The following PRIM2 variants were observed in gnomAD, a reference collection of about 807,000 sequenced individuals.
PRIM2 encodes DNA primase large subunit.
Under a neutral mutation model 67.3 loss-of-function variants are expected in PRIM2, and 39 were observed. The observed-to-expected ratio is 0.58, with a 90% CI of 0.45 to 0.76. The LOEUF (loss-of-function observed/expected upper bound fraction) is 0.76. Among genes scored for constraint, PRIM2 ranks in the 30% least tolerant of loss-of-function variants. The pLI, the probability that PRIM2 is intolerant of heterozygous loss-of-function variation, is 0.00. For synonymous variants in PRIM2, 143 were observed against 198.7 expected, an observed-to-expected ratio of 0.72 and a Z score of 2.36; for missense variants, 398 against 598.7, an observed-to-expected ratio of 0.66 and a Z score of 3.50.
chr6:57,606,572 A>G (rs1473472460), intron 12 of PRIM2, 115 bp downstream of exon 12: 3 of 632,936 alleles, frequency 4.7e-6, no homozygotes, highest in African/African-American at 1.8e-5. Context: ...CTCACACCAG[A>G]CATCTTATCT....
chr6:57,242,812 G>A, the PRIM2 span, among the ~76,000 whole-genome samples: 1 of 152,168 alleles, frequency 6.6e-6, no homozygotes, highest in East Asian at 1.9e-4. Flanking sequence ...ATCTGGATTT[G>A]TATCTGAGGT....
At chr6:57,274,320 G>A in the PRIM2 span, among the ~76,000 whole-genome samples, 15 of 152,038 alleles carry the variant, frequency 9.9e-5, no homozygotes, top group Admixed American at 5.2e-4. Context: ...ATCAAGTCTC[G>A]GCAATGGCGG....
intron 5 of PRIM2, among the ~76,000 whole-genome samples, chr6:57,363,028 T>G (rs2127314607): frequency 6.6e-6 from 1 of 152,340 alleles, no homozygotes; most frequent in African/African-American, 2.4e-5. Flanking sequence ...ATTAAATATT[T>G]ACTGTTTGTA....
chr6:57,416,681 CT>C (rs1581885010), intron 7 of PRIM2, among the ~76,000 whole-genome samples: 1 of 152,150 alleles, frequency 6.6e-6, no homozygotes, highest in African/African-American at 2.4e-5. Flanking sequence ...ATGATCTTAG[CT>C]AGATATTCTG....
chr6:57,565,945 C>T (rs1447479123), intron 10 of PRIM2, among the ~76,000 whole-genome samples: 3 of 152,140 alleles, frequency 2.0e-5, no homozygotes, highest in Admixed American at 6.5e-5. Flanking sequence ...TTTGTTTTTA[C>T]ATCTGGTTTG....
At chr6:57,370,932 A>G (rs1292094650) in intron 5 of PRIM2, among the ~76,000 whole-genome samples, 2 of 152,134 alleles carry the variant, frequency 1.3e-5, no homozygotes, top group African/African-American at 2.4e-5. Context: ...TCCTGACCTC[A>G]GGTGATCTGC....
intron 7 of PRIM2, among the ~76,000 whole-genome samples, chr6:57,482,673 G>T (rs1197453945): frequency 2.6e-5 from 4 of 152,178 alleles, no homozygotes; most frequent in Admixed American, 6.5e-5. Context: ...GCGTGTGAGG[G>T]CAAATTATCT....
At chr6:57,505,406 A>T (rs1774229931) in intron 7 of PRIM2, 1 of 152,204 alleles carries the variant, frequency 6.6e-6, no homozygotes, top group Non-Finnish European at 1.5e-5. Flanking sequence ...GGAGCTATGG[A>T]AAATTTCTAC....
intron 8 of PRIM2, among the ~76,000 whole-genome samples, chr6:57,515,510 A>T (rs1554348137): frequency 2.0e-5 from 3 of 152,246 alleles, no homozygotes; most frequent in African/African-American, 7.2e-5. Context: ...CAGATTTCTT[A>T]ACAAGTGAAC....
intron 4 of PRIM2, 129 bp downstream of exon 4, chr6:57,324,409 G>T (rs1767773082): frequency 1.2e-5 from 6 of 485,642 alleles, no homozygotes; most frequent in Non-Finnish European, 1.9e-5. Flanking sequence ...TTGATCATGG[G>T]GTTGAACACT....
chr6:57,635,504 G>A (rs1777103259), intron 13 of PRIM2, among the ~76,000 whole-genome samples: 1 of 152,198 alleles, frequency 6.6e-6, no homozygotes, highest in Admixed American at 6.5e-5. Flanking sequence ...ACTAGGTCAT[G>A]TGTAGATTCA....
chr6:57,447,709 A>G (rs1255302404), intron 7 of PRIM2, among the ~76,000 whole-genome samples: 1 of 152,236 alleles, frequency 6.6e-6, no homozygotes, highest in Admixed American at 6.5e-5. Context: ...TTGTGGAACT[A>G]TTAAAATCAA....
intron 5 of PRIM2, among the ~76,000 whole-genome samples, chr6:57,354,267 A>T (rs976645601): frequency 2.3e-4 from 35 of 151,932 alleles, no homozygotes; most frequent in Admixed American, 2.2e-3. Context: ...AAAAAATGCG[A>T]TTTGAATCTA....
At chr6:57,438,694 C>T (rs1023597487) in intron 7 of PRIM2, among the ~76,000 whole-genome samples, 9 of 152,138 alleles carry the variant, frequency 5.9e-5, no homozygotes, top group Non-Finnish European at 1.2e-4. Flanking sequence ...CATACTATCT[C>T]CAGGGGGAGG....
intron 11 of PRIM2, among the ~76,000 whole-genome samples, chr6:57,605,781 CAT>C (rs1776550418): frequency 6.6e-6 from 1 of 152,018 alleles, no homozygotes; most frequent in Non-Finnish European, 1.5e-5. Context: ...CATGAAATAA[CAT>C]AGAGATGACA....
intron 5 of PRIM2, among the ~76,000 whole-genome samples, chr6:57,375,158 A>G (rs1159930947): frequency 6.6e-6 from 1 of 152,114 alleles, no homozygotes; most frequent in Non-Finnish European, 1.5e-5. Context: ...TTTCAGGGGG[A>G]ATGTTTCCAG....
intron 7 of PRIM2, among the ~76,000 whole-genome samples, chr6:57,460,036 G>A (rs1772948014): frequency 6.6e-6 from 1 of 152,176 alleles, no homozygotes; most frequent in South Asian, 2.1e-4. Flanking sequence ...AAGCATTAAA[G>A]GTTGTGGCAG....
At chr6:57,321,524 A>G (rs1014582993) in intron 3 of PRIM2, among the ~76,000 whole-genome samples, 1 of 152,148 alleles carries the variant, frequency 6.6e-6, no homozygotes, top group African/African-American at 2.4e-5. Context: ...AGGAATACCA[A>G]TATTGAAGGT....
chr6:57,455,023 C>T (rs928674633), intron 7 of PRIM2, among the ~76,000 whole-genome samples: 1 of 152,144 alleles, frequency 6.6e-6, no homozygotes, highest in African/African-American at 2.4e-5. Context: ...ATCTTTATTT[C>T]TGCCTTCATT....
Sources: gnomAD v4.1 joint callset for allele counts (sites outside exome capture counted in the v4.1 genomes callset) on GRCh38, gnomAD v4.1.1 for gene constraint, MANE v1.5 for transcripts, NCBI Gene and HGNC (gene_info 2026-07-23, HGNC 2026-07-21) for gene names.